The following CACNB2 variants were observed in gnomAD, a reference collection of about 807,000 sequenced individuals.
CACNB2 encodes calcium voltage-gated channel auxiliary subunit beta 2, also known as voltage-dependent L-type calcium channel subunit beta-2.
Under a neutral mutation model 73.3 loss-of-function variants are expected in CACNB2, and 42 were observed. The ratio of observed to expected loss-of-function variants is 0.57; its 90% CI spans 0.45 to 0.74. The LOEUF is 0.74. Among genes scored for constraint, CACNB2 ranks in the 30% least tolerant of loss-of-function variants. CACNB2 has a pLI of 0.00. For missense variants in CACNB2, 940 were observed against 853.0 expected, an observed-to-expected ratio of 1.10 and a Z score of -1.27; for synonymous variants, 348 against 310.3, an observed-to-expected ratio of 1.12 and a Z score of -1.28.
At chr10:18,225,585 CT>C (rs2035959744) in intron 2 of CACNB2, among the ~76,000 whole-genome samples, 6 of 101,720 alleles carry the variant, frequency 5.9e-5, no homozygotes, top group Admixed American at 2.4e-4. Context: ...TCGCTCCTTC[CT>C]TCCTTCCTTC....
Position 18,315,528 on chromosome 10 carries a change from A to AAAC in CACNB2, c.214-86396_214-86395insAAC, listed in dbSNP as rs1306024951. Among the ~76,000 whole-genome samples, 197 of 90,208 alleles carry AAAC rather than the reference A, an allele frequency of 2.2e-3. 11 individuals carry two copies. The highest frequency in any genetic ancestry group is 8.0e-3 in the African/African-American group (191 of 24,010). The allele number at this position is 90,208 out of a possible 152,430, so 59.2% of individuals were successfully genotyped here. ...AAAAAAAAAAAAAAAAAAAAAAAAA[A>AAAC]CTTTTTTTTTTTTTAATTAGCCAGA... On this transcript the variant is annotated intron_variant, in intron 2 of 13. Transcript: ENST00000324631.
intron 2 of CACNB2, among the ~76,000 whole-genome samples, chr10:18,376,106 C>T (rs1589177327): frequency 1.3e-5 from 2 of 152,060 alleles, no homozygotes; most frequent in South Asian, 4.1e-4. Context: ...TGTCCATCAG[C>T]AGATGAATGG....
chr10:18,209,637 T>A (rs1433042187), intron 2 of CACNB2, among the ~76,000 whole-genome samples: 4 of 151,752 alleles, frequency 2.6e-5, no homozygotes, highest in Non-Finnish European at 5.9e-5. Context: ...AGCTATTGAT[T>A]TTTTTTTATA....
chr10:18,239,372 C>T (rs548991581), intron 2 of CACNB2, among the ~76,000 whole-genome samples: 10 of 152,210 alleles, frequency 6.6e-5, no homozygotes, highest in Middle Eastern at 3.4e-3. Flanking sequence ...TGCGTACACA[C>T]TGTTTAGCTC....
intron 2 of CACNB2, among the ~76,000 whole-genome samples, chr10:18,363,174 A>G (rs2042211487): frequency 6.6e-6 from 1 of 152,180 alleles, no homozygotes; most frequent in Non-Finnish European, 1.5e-5. Context: ...TTTCCTAAAT[A>G]AAGATTTTGA....
At position 18,502,472 on chromosome 10, in the gene CACNB2, C is replaced by T. The variant is rs554599786; in HGVS notation, c.593+1524C>T. Among the ~76,000 whole-genome samples, 1,339 of 150,478 alleles carry T rather than the reference C, an allele frequency of 8.9e-3. 10 individuals are homozygous for T. The highest frequency in any genetic ancestry group is 0.013 in the Non-Finnish European group (887 of 67,704). On this transcript the variant is annotated intron_variant, in intron 5 of 13. Coordinates refer to ENST00000324631, the MANE Select transcript of CACNB2 (RefSeq NM_201596.3). ...TTGGGAGGCTGAGGCGGGCATATCA[C>T]AAGGTTAAGAGATTGAGACCATCCT...
At chr10:18,536,308 G>C (rs920210305) in intron 12 of CACNB2, 112 bp downstream of exon 12, 2 of 627,288 alleles carry the variant, frequency 3.2e-6, no homozygotes, top group East Asian at 3.0e-5. Context: ...CCCATGTTGG[G>C]AGTGCAGTGG....
intron 2 of CACNB2, among the ~76,000 whole-genome samples, chr10:18,310,209 G>A (rs553124277): frequency 6.6e-6 from 1 of 152,124 alleles, no homozygotes; most frequent in African/African-American, 2.4e-5. Flanking sequence ...ATTGGGTTTC[G>A]TAGTTCTTAA....
intron 9 of CACNB2, among the ~76,000 whole-genome samples, chr10:18,527,339 G>C (rs2052573493): frequency 6.6e-6 from 1 of 151,774 alleles, no homozygotes; most frequent in Non-Finnish European, 1.5e-5. Flanking sequence ...ACGCACCACT[G>C]CATTGCAGCC....
intron 2 of CACNB2, among the ~76,000 whole-genome samples, chr10:18,372,692 C>T (rs1171953033): frequency 6.6e-6 from 1 of 152,226 alleles, no homozygotes; most frequent in African/African-American, 2.4e-5. Flanking sequence ...CAGATATGAG[C>T]CACTGTGCCT....
intron 3 of CACNB2, among the ~76,000 whole-genome samples, chr10:18,411,246 G>A (rs187658915): frequency 2.0e-3 from 298 of 152,074 alleles, no homozygotes; most frequent in African/African-American, 6.8e-3. Flanking sequence ...CTTAGATTGC[G>A]TTTTTCTACC....
chr10:18,394,383 A>G (rs1231503226), intron 2 of CACNB2, among the ~76,000 whole-genome samples: 2 of 152,214 alleles, frequency 1.3e-5, no homozygotes, highest in East Asian at 1.9e-4. Context: ...GGCTATACCT[A>G]TGACCAACAA....
At chr10:18,451,645 G>A (rs778739713) in intron 3 of CACNB2, among the ~76,000 whole-genome samples, 2 of 152,154 alleles carry the variant, frequency 1.3e-5, no homozygotes, top group Non-Finnish European at 2.9e-5. Context: ...CCAGAAGAGA[G>A]GAAACTTCTC....
At chr10:18,442,373 C>G (rs191694438) in intron 3 of CACNB2, among the ~76,000 whole-genome samples, 2 of 151,978 alleles carry the variant, frequency 1.3e-5, no homozygotes, top group South Asian at 2.1e-4. Context: ...TGGTCTTAAA[C>G]CCCTGACCTC....
At chr10:18,486,489 C>G (rs1181885326) in intron 3 of CACNB2, among the ~76,000 whole-genome samples, 1 of 152,230 alleles carries the variant, frequency 6.6e-6, no homozygotes, top group Admixed American at 6.5e-5. Context: ...CATTAACCAC[C>G]TCTCTGACAA....
chr10:18,241,583 T>TTA (rs1554775724), intron 2 of CACNB2, among the ~76,000 whole-genome samples: 19 of 146,356 alleles, frequency 1.3e-4, no homozygotes, highest in African/African-American at 4.8e-4. Context: ...TGAAGTATAT[T>TTA]AAAAAAAAAA....
intron 2 of CACNB2, among the ~76,000 whole-genome samples, chr10:18,283,935 T>C (rs1203889933): frequency 2.6e-5 from 4 of 152,204 alleles, no homozygotes; most frequent in Non-Finnish European, 5.9e-5. Flanking sequence ...GACAATGTCA[T>C]GGACAACTTT....
At chr10:18,230,690 A>C (rs901641182) in intron 2 of CACNB2, among the ~76,000 whole-genome samples, 1 of 152,220 alleles carries the variant, frequency 6.6e-6, no homozygotes, top group Non-Finnish European at 1.5e-5. Flanking sequence ...AATCAGACAG[A>C]GTATTAAGAA....
At chr10:18,460,694 C>T (rs988525454) in intron 3 of CACNB2, among the ~76,000 whole-genome samples, 3 of 151,978 alleles carry the variant, frequency 2.0e-5, no homozygotes, top group Non-Finnish European at 4.4e-5. Flanking sequence ...AGTTCGAGAG[C>T]AGCCTGGACA....
Sources: allele counts gnomAD v4.1 joint callset (sites outside exome capture counted in the v4.1 genomes callset), GRCh38; gene constraint gnomAD v4.1.1; transcripts MANE v1.5; gene names NCBI Gene and HGNC (gene_info 2026-07-23, HGNC 2026-07-21).